USP45: variants seen among roughly 807,000 people sequenced by gnomAD.
The protein encoded by USP45 is ubiquitin carboxyl-terminal hydrolase 45.
A neutral mutation model predicts 95.8 loss-of-function variants in USP45; 89 were observed. The ratio of observed to expected loss-of-function variants is 0.93; its 90% CI spans 0.78 to 1.11. The LOEUF (loss-of-function observed/expected upper bound fraction) is 1.11. Among genes scored for constraint, USP45 ranks in the 50% least tolerant of loss-of-function variants. The probability of loss-of-function intolerance (pLI) is 0.00; values close to 1 mark genes in which losing one functional copy is unlikely to be tolerated. For missense variants in USP45, 898 were observed against 942.5 expected, an observed-to-expected ratio of 0.95 and a Z score of 0.62; for synonymous variants, 281 against 316.2, an observed-to-expected ratio of 0.89 and a Z score of 1.18.
At position 99,437,370 on chromosome 6, in the gene USP45, G is replaced by A. The variant is rs118066385; in HGVS notation, c.2190C>T (p.Tyr730=). 92 of 1,604,126 alleles carry A rather than the reference G, an allele frequency of 5.7e-5. No homozygotes were observed. The highest frequency in any genetic ancestry group is 1.7e-4 in the Middle Eastern group (1 of 6,034). The change falls in exon 17 of 18, where the codon TAC becomes TAT. Residue 730 remains tyrosine, a synonymous_variant. Transcript: ENST00000500704. ...KNASVGDKVL[Y]GLYGIVEHSG... is the part of the protein sequence containing the mutation. ...TATGTTCCACTATGCCATAGAGACC[G>A]TAGAGAACTTTATCTCCCACACTTG... is the stretch of plus-strand genomic sequence containing the variant.
At chr6:99,480,030 A>G (rs1354389343) in intron 8 of USP45, among the ~76,000 whole-genome samples, 1 of 152,242 alleles carries the variant, frequency 6.6e-6, no homozygotes, top group Admixed American at 6.5e-5. Flanking sequence ...AGCTAAGAGA[A>G]CTAGTAAAGC....
chr6:99,479,174 AC>A, intron 8 of USP45, among the ~76,000 whole-genome samples: 1 of 143,162 alleles, frequency 7.0e-6, no homozygotes, highest in Admixed American at 7.2e-5. Context: ...ACACACACAC[AC>A]ACACACACAC....
chr6:99,500,778 C>G (rs1242976130), intron 5 of USP45, among the ~76,000 whole-genome samples: 1 of 152,108 alleles, frequency 6.6e-6, no homozygotes, highest in Non-Finnish European at 1.5e-5. Context: ...ACTAGTATGC[C>G]TGCTGCAGAA....
At chr6:99,455,089 C>A (rs1458167825) in intron 13 of USP45, among the ~76,000 whole-genome samples, 152 of 126,654 alleles carry the variant, frequency 1.2e-3, no homozygotes, top group African/African-American at 1.5e-3. Context: ...CACTCCATCT[C>A]AAAAAAAAAA....
At chr6:99,500,450 G>A (rs913460577) in intron 5 of USP45, among the ~76,000 whole-genome samples, 2 of 152,042 alleles carry the variant, frequency 1.3e-5, no homozygotes, top group African/African-American at 4.8e-5. Context: ...CCATCATACC[G>A]TCCATGCTCC....
At chr6:99,442,639 G>A (rs1325694357) in intron 15 of USP45, among the ~76,000 whole-genome samples, 1 of 152,078 alleles carries the variant, frequency 6.6e-6, no homozygotes, top group Non-Finnish European at 1.5e-5. Context: ...CTGAGGTCAG[G>A]AGTTTAAGAC....
chr6:99,454,653 A>C (rs1054158429), intron 13 of USP45, among the ~76,000 whole-genome samples: 1 of 152,258 alleles, frequency 6.6e-6, no homozygotes, highest in Admixed American at 6.5e-5. Flanking sequence ...ATGCAGATTA[A>C]AACCACAATG....
At position 99,510,361 on chromosome 6, in the gene USP45, G is replaced by A. The variant is rs550073533; in HGVS notation, c.-10-131C>T. 4.7e-5 allele frequency: 29 copies of A among 620,068 alleles called. No individual in the cohort carries two copies. In the South Asian group the frequency reaches 6.5e-4, roughly 14 times the overall value. 38.4% of individuals were successfully genotyped at this position (620,068 alleles called of 1,614,324 possible). A position where few individuals can be genotyped will look rare whatever the true frequency, so the allele number is the denominator to read the frequency against. On this transcript the variant is annotated intron_variant, in intron 1 of 17. Transcript: ENST00000500704. ...GTCCGGGAAATCAACAGAGGAAGAA[G>A]AGGGGAACATCACTTGAAATGAAAT... is the stretch of plus-strand genomic sequence containing the variant.
chr6:99,440,985 G>A (rs1216696909), intron 15 of USP45, among the ~76,000 whole-genome samples: 2 of 152,088 alleles, frequency 1.3e-5, no homozygotes, highest in Non-Finnish European at 2.9e-5. Flanking sequence ...CTTTTTTTAG[G>A]TGGTAATTTT....
At chr6:99,510,858 G>GT in intron 1 of USP45, among the ~76,000 whole-genome samples, 1 of 152,124 alleles carries the variant, frequency 6.6e-6, no homozygotes, top group Non-Finnish European at 1.5e-5. Context: ...CATCAACGGA[G>GT]TAAGTATTGC....
intron 9 of USP45, among the ~76,000 whole-genome samples, chr6:99,474,305 C>T (rs1790251429): frequency 6.6e-6 from 1 of 152,166 alleles, no homozygotes; most frequent in South Asian, 2.1e-4. Context: ...TCAAGCAATT[C>T]TCATGCCTCA....
intron 7 of USP45, among the ~76,000 whole-genome samples, chr6:99,483,296 A>G (rs951786451): frequency 1.6e-4 from 25 of 152,148 alleles, no homozygotes; most frequent in African/African-American, 6.0e-4. Flanking sequence ...TTCCCCAAAT[A>G]TTTTACTAGT....
At chr6:99,488,147 T>A in intron 7 of USP45, 53 bp downstream of exon 7, 1 of 1,222,654 alleles carries the variant, frequency 8.2e-7, no homozygotes, top group Non-Finnish European at 1.2e-6. Flanking sequence ...GAGATTTTGG[T>A]AACATCAGTG....
intron 13 of USP45, among the ~76,000 whole-genome samples, chr6:99,448,998 G>C (rs929418251): frequency 2.6e-5 from 4 of 152,160 alleles, no homozygotes; most frequent in African/African-American, 4.8e-5. Flanking sequence ...CACCAGACCT[G>C]CCCTACAAGA....
chr6:99,511,841 GTGTGTATA>G (rs1448335165), intron 1 of USP45, among the ~76,000 whole-genome samples: 5,265 of 133,332 alleles, frequency 0.039, 240 homozygotes, highest in African/African-American at 0.071. Context: ...GTATGTGAGT[GTGTGTATA>G]TATATATATA....
At position 99,435,724 on chromosome 6, in the gene USP45, C is replaced by T. The variant is rs767973631; in HGVS notation, c.2437G>A (p.Val813Ile). Residue 813 changes from valine to isoleucine, a missense_variant, in exon 18 of 18, where the codon GTA becomes ATA. By Grantham distance (29) the Val-to-Ile change is conservative (BLOSUM62 3). Transcript: ENST00000500704. The stretch of plus-strand genomic sequence containing the variant: ...ATCATTACCATTAATAGTTATAATA[C>T]TCTTTCATAGAAAAGAAGGTAGGCT... ...AQAYLLFYER[V>I]L 9.9e-6 allele frequency: 16 copies of T among 1,611,720 alleles called. No individual in the cohort carries two copies. The Admixed American group carries it at 2.7e-4, about 27-fold the overall frequency.
In USP45 at chr6:99,435,755, A is replaced by C. The variant is rs753233399; in HGVS notation, c.2406T>G (p.Ser802Arg). ...LQVVPESRAL[S>R]AQAYLLFYER... ...CATAGAAAAGAAGGTAGGCTTGTGC[A>C]CTAAGTGCTCTTGATTCTGGAACCA... The change falls in exon 18 of 18, where the codon AGT (serine) becomes AGG (arginine). Residue 802 changes from serine to arginine, a missense_variant. Ser to Arg is a moderately radical substitution (Grantham distance 110). Transcript: ENST00000500704. 6.8e-6 allele frequency: 11 copies of C among 1,613,684 alleles called. No individual in the cohort carries two copies. Among genetic ancestry groups the C allele is most frequent in the Non-Finnish European group, 9.3e-6 (11 of 1,179,592 alleles).
rs1350678081 is a variant in USP45, at chr6:99,464,660, T to C, written c.1252A>G (p.Ile418Val). 5.6e-6 allele frequency: 9 copies of C among 1,613,386 alleles called. No homozygotes were observed. Among genetic ancestry groups the C allele is most frequent in the Non-Finnish European group, 6.8e-6 (8 of 1,179,812 alleles). Residue 418 changes from isoleucine (I) to valine (V), a missense_variant, in exon 13 of 18, where the codon ATA (isoleucine) becomes GTA (valine). Physicochemically the swap from Ile to Val is conservative, Grantham distance 29. Coordinates refer to ENST00000500704, the MANE Select transcript of USP45 (RefSeq NM_001346022.3). ...DHDRYSGNVT[I>V]ENIHQPRAAK... is the part of the protein sequence containing the mutation. ...GCTCTAGGTTGATGAATATTTTCTA[T>C]AGTAACATTGCCACTGTATCGATCA...
intron 8 of USP45, 29 bp from the exon 9 acceptor site, chr6:99,476,259 A>G (rs772401238): frequency 1.3e-6 from 2 of 1,587,466 alleles, no homozygotes; most frequent in Non-Finnish European, 1.7e-6. Context: ...AGAGGAAAGA[A>G]AAAAAGAATA....
Sources: gnomAD v4.1 joint callset for allele counts (sites outside exome capture counted in the v4.1 genomes callset) on GRCh38, gnomAD v4.1.1 for gene constraint, MANE v1.5 for transcripts, NCBI Gene and HGNC (gene_info 2026-07-23, HGNC 2026-07-21) for gene names.